WDR37: variants seen among roughly 807,000 people sequenced by gnomAD.
WDR37 encodes the protein WD repeat domain 37.
WDR37 carries 19 observed loss-of-function variants against 62.9 expected under a neutral mutation model. The observed-to-expected ratio is 0.30, with a 90% CI of 0.21 to 0.44. The LOEUF (loss-of-function observed/expected upper bound fraction) is 0.44. Among genes scored for constraint, WDR37 ranks in the 20% least tolerant of loss-of-function variants. The pLI is 1.00. For synonymous variants in WDR37, 250 were observed against 260.9 expected, an observed-to-expected ratio of 0.96 and a Z score of 0.40; for missense variants, 474 against 657.6, an observed-to-expected ratio of 0.72 and a Z score of 3.05.
chr10:1,075,865 T>C (rs139048109), intron 2 of WDR37, among the ~76,000 whole-genome samples: 1,818 of 151,526 alleles, frequency 0.012, 19 homozygotes, highest in Non-Finnish European at 0.015. Context: ...CTGCAACCTC[T>C]ACCTCCTGGG....
chr10:1,124,490 G>A (rs1835678185), intron 12 of WDR37, 138 bp downstream of exon 12: 1 of 1,250,998 alleles, frequency 8.0e-7, no homozygotes, highest in Non-Finnish European at 1.1e-6. Flanking sequence ...CTCTAATGCA[G>A]TTTCAGTATT....
intron 13 of WDR37, among the ~76,000 whole-genome samples, chr10:1,128,204 C>G (rs991322530): frequency 3.3e-5 from 5 of 152,174 alleles, no homozygotes; most frequent in Non-Finnish European, 7.4e-5. Context: ...GAACTTTATG[C>G]CATTCTTTGA....
chr10:1,074,304 C>T, intron 2 of WDR37: 1 of 1,198,940 alleles, frequency 8.3e-7, no homozygotes, highest in Non-Finnish European at 1.1e-6. Flanking sequence ...TTTTCTGGGC[C>T]CTGAATGCCC....
intron 8 of WDR37, 133 bp downstream of exon 8, chr10:1,093,629 T>A: frequency 1.3e-6 from 1 of 767,722 alleles, no homozygotes; most frequent in Non-Finnish European, 2.1e-6. Context: ...TTTTATGAAT[T>A]AAATGAGAAA....
At chr10:1,064,583 CTTTTTTTTTTTTTTTTTT>C (rs71376884) in intron 1 of WDR37, among the ~76,000 whole-genome samples, 2 of 70,464 alleles carry the variant, frequency 2.8e-5, no homozygotes, top group African/African-American at 6.0e-5. Flanking sequence ...GACAATGGAT[CTTTTTTTTTTTTTTTTTT>C]TTTTTTTTTT....
intron 13 of WDR37, 42 bp from the exon 14 acceptor site, chr10:1,129,171 C>T (rs757366884): frequency 4.3e-5 from 69 of 1,601,324 alleles, no homozygotes; most frequent in South Asian, 7.8e-5. Flanking sequence ...ATCTTACTTT[C>T]GGGAATAATG....
chr10:1,129,144 T>C, intron 13 of WDR37, 69 bp from the exon 14 acceptor site: 1 of 1,587,200 alleles, frequency 6.3e-7, no homozygotes, highest in Non-Finnish European at 8.6e-7. Flanking sequence ...GGTTATTCAT[T>C]TCGCTGAGGT....
intron 8 of WDR37, among the ~76,000 whole-genome samples, chr10:1,094,987 G>A (rs187619276): frequency 6.2e-4 from 94 of 150,554 alleles, no homozygotes; most frequent in African/African-American, 2.2e-3. Context: ...GAAACGTGAG[G>A]TGATGGGGAT....
intron 2 of WDR37, among the ~76,000 whole-genome samples, 180 bp downstream of exon 2, chr10:1,072,473 C>T (rs946661283): frequency 2.0e-5 from 3 of 152,172 alleles, no homozygotes; most frequent in Admixed American, 1.3e-4. Context: ...TGCCACCATG[C>T]CCGGCTGATT....
At chr10:1,123,399 A>T (rs1835646299) in intron 11 of WDR37, among the ~76,000 whole-genome samples, 1 of 152,152 alleles carries the variant, frequency 6.6e-6, no homozygotes. Context: ...GAAACTCTGC[A>T]CTTGTGAAAC....
At chr10:1,091,755 G>A (rs894274780) in intron 7 of WDR37, among the ~76,000 whole-genome samples, 10 of 152,176 alleles carry the variant, frequency 6.6e-5, no homozygotes, top group Non-Finnish European at 1.2e-4. Context: ...CTGTGGAGCC[G>A]GGCTCTGTGT....
chr10:1,114,706 C>T (rs985312827), intron 11 of WDR37, among the ~76,000 whole-genome samples: 1 of 152,216 alleles, frequency 6.6e-6, no homozygotes, highest in African/African-American at 2.4e-5. Context: ...TCCTAACCAC[C>T]AGGAGCTGCA....
intron 11 of WDR37, among the ~76,000 whole-genome samples, chr10:1,113,668 TGTG>T (rs1835290169): frequency 6.6e-6 from 1 of 152,104 alleles, no homozygotes; most frequent in Non-Finnish European, 1.5e-5. Context: ...TCACTGCAGG[TGTG>T]GTGGAAACAG....
At chr10:1,127,916 G>T (rs1050006418) in intron 13 of WDR37, among the ~76,000 whole-genome samples, 1 of 152,372 alleles carries the variant, frequency 6.6e-6, no homozygotes, top group East Asian at 1.9e-4. Flanking sequence ...GTGAAAGCCT[G>T]GCTGGCTTTC....
chr10:1,126,271 T>C (rs1287960321), intron 13 of WDR37, among the ~76,000 whole-genome samples: 2 of 151,766 alleles, frequency 1.3e-5, no homozygotes, highest in Admixed American at 6.6e-5. Flanking sequence ...CCAGGCGTGG[T>C]GGCGGGCGTC....
rs1230189671 is a variant in WDR37 at position 1,072,111 on chromosome 10, T to A, written c.-40-5T>A. Reference sequence around the variant, plus strand: ...AGAAACACTGTTTTTTCTTGCTGTTTTTAGCTTATTGCAGGAGTGACCAGG... The same window carrying A: ...AGAAACACTGTTTTTTCTTGCTGTTATTAGCTTATTGCAGGAGTGACCAGG... On this transcript the variant is annotated splice_region_variant and splice_polypyrimidine_tract_variant and intron_variant, in intron 1 of 13. Coordinates refer to ENST00000263150, the MANE Select transcript of WDR37 (RefSeq NM_014023.4). The A allele has an allele frequency of 1.3e-6, 2 of 1,598,602 alleles. No homozygotes were observed. The highest frequency in any genetic ancestry group is 1.7e-6 in the Non-Finnish European group (2 of 1,172,942).
In WDR37 at chr10:1,095,482, G is replaced by A. The variant is rs528025942; in HGVS notation, c.650-688G>A. On this transcript the variant is annotated intron_variant, in intron 8 of 13. Transcript: ENST00000263150. ...TGATTTGAGGAGGAGTTGCAAGTCCGGGCAGTACATTCATTTGCATCAAAT... is the reference window on the plus strand; with the variant it reads ...TGATTTGAGGAGGAGTTGCAAGTCCAGGCAGTACATTCATTTGCATCAAAT... 8.5e-5 allele frequency among the ~76,000 whole-genome samples: 13 copies of A among 152,154 alleles called. No individual in the cohort carries two copies. In the East Asian group the frequency reaches 9.7e-4, roughly 11 times the overall value.
At chr10:1,090,937 C>T (rs752007853) in intron 7 of WDR37, among the ~76,000 whole-genome samples, 4 of 152,314 alleles carry the variant, frequency 2.6e-5, no homozygotes, top group African/African-American at 7.2e-5. Flanking sequence ...CCCGGCCTTC[C>T]TGCTCCAGCC....
At chr10:1,069,387 A>ATTTTTTTTTTTT (rs1368989652) in intron 1 of WDR37, among the ~76,000 whole-genome samples, 2 of 30,440 alleles carry the variant, frequency 6.6e-5, no homozygotes, top group African/African-American at 1.6e-4. Flanking sequence ...ATATATATAT[A>ATTTTTTTTTTTT]TATTTTTTTT....
Sources: allele counts gnomAD v4.1 joint callset (sites outside exome capture counted in the v4.1 genomes callset), GRCh38; gene constraint gnomAD v4.1.1; transcripts MANE v1.5; gene names NCBI Gene and HGNC (gene_info 2026-07-23, HGNC 2026-07-21).